Variants in THBS4 observed in about 807,000 individuals in gnomAD.
THBS4 encodes the protein thrombospondin-4.
THBS4 carries 90 observed loss-of-function variants against 115.7 expected under a neutral mutation model. The ratio of observed to expected loss-of-function variants is 0.78; its 90% CI spans 0.66 to 0.93. The LOEUF is 0.93. Ranked by LOEUF, THBS4 falls within the 40% of genes least tolerant of loss-of-function variation. The probability of loss-of-function intolerance (pLI) is 0.00; values close to 1 mark genes in which losing one functional copy is unlikely to be tolerated. For synonymous variants in THBS4, 460 were observed against 479.3 expected, an observed-to-expected ratio of 0.96 and a Z score of 0.53; for missense variants, 1,087 against 1,232.7, an observed-to-expected ratio of 0.88 and a Z score of 1.77.
intron 10 of THBS4, among the ~76,000 whole-genome samples, chr5:80,069,036 G>A (rs1250866014): frequency 2.0e-5 from 3 of 152,184 alleles, no homozygotes; most frequent in East Asian, 1.9e-4. Flanking sequence ...GGGGATCCTA[G>A]GCACTGAAAA....
chr5:80,042,276 C>T (rs972534363), intron 2 of THBS4, among the ~76,000 whole-genome samples: 2 of 152,234 alleles, frequency 1.3e-5, no homozygotes, highest in African/African-American at 4.8e-5. Context: ...AGGAACTGCT[C>T]ATCTTCTGAC....
intron 10 of THBS4, chr5:80,068,792 C>G (rs1833931447): frequency 6.5e-6 from 1 of 153,076 alleles, no homozygotes; most frequent in Non-Finnish European, 1.5e-5. Flanking sequence ...GAGAGTAGAG[C>G]AGTCACAGCA....
At position 80,065,415 on chromosome 5, in the gene THBS4, A is replaced by C. The variant is rs1230309029; in HGVS notation, c.1132A>C (p.Thr378Pro). 1.2e-6 allele frequency: 2 copies of C among 1,613,032 alleles called. No individual in the cohort carries two copies. Among genetic ancestry groups the C allele is most frequent in the Non-Finnish European group, 1.7e-6 (2 of 1,179,682 alleles). ...TTGAACTTTTCTGCACTAGGTCTGCACTGACATTGATGAGTGTCGAAATGG... is the reference window on the plus strand; with the variant it reads ...TTGAACTTTTCTGCACTAGGTCTGCCCTGACATTGATGAGTGTCGAAATGG... The part of the protein sequence containing the change: ...SFAKSNKQVC[T>P]DIDECRNGAC... The change falls in exon 9 of 22, where the codon ACT becomes CCT. Residue 378 changes from threonine (T) to proline (P), a missense_variant. Physicochemically the swap from Thr to Pro is conservative, Grantham distance 38 (BLOSUM62 -1). This residue lies in a region of THBS4 where 979 missense variants were observed against 1,103.7 expected (regional missense o/e 0.89). Transcript: ENST00000350881.
At chr5:80,045,626 G>A (rs1320691920) in intron 2 of THBS4, among the ~76,000 whole-genome samples, 1 of 151,674 alleles carries the variant, frequency 6.6e-6, no homozygotes, top group Non-Finnish European at 1.5e-5. Context: ...CGCCTCCCGG[G>A]TTCAAGTGAT....
intron 12 of THBS4, 83 bp from the exon 13 acceptor site, chr5:80,070,938 C>T: frequency 6.3e-7 from 1 of 1,591,902 alleles, no homozygotes; most frequent in Non-Finnish European, 8.5e-7. Flanking sequence ...AAACTTGGGC[C>T]ACCAGAGTGC....
At chr5:80,072,241 C>T (rs775281402) in intron 13 of THBS4, 37 bp from the exon 14 acceptor site, 1 of 1,562,250 alleles carries the variant, frequency 6.4e-7, no homozygotes, top group Non-Finnish European at 8.8e-7. Context: ...AAGTCAGTGA[C>T]ATTCCCCTGA....
rs750208869 is a variant in THBS4 at position 80,058,708 on chromosome 5, G to A, written c.650G>A (p.Gly217Glu). 4 of 1,614,088 alleles carry A rather than the reference G, an allele frequency of 2.5e-6. No homozygotes were observed. Among genetic ancestry groups the A allele is most frequent in the Non-Finnish European group, 3.4e-6 (4 of 1,180,004 alleles). The change falls in exon 5 of 22, where the codon GGG (glycine) becomes GAG (glutamate). Residue 217 changes from glycine to glutamate, a missense_variant and splice_region_variant. Around this residue, in one of 3 missense-constraint regions of THBS4, gnomAD observed 979 missense variants for 1,103.7 expected, o/e 0.89. Coordinates refer to ENST00000350881, the MANE Select transcript of THBS4 (RefSeq NM_003248.6). ...TCTTTGCCTTTTGCTGTTCCTACAG[G>A]GGACTTTAACCGGCAGTTCTTGGGT... ...QSEPLAATGT[G>E]DFNRQFLGQM...
chr5:80,004,372 TC>T (rs1005139701), intron 2 of THBS4, among the ~76,000 whole-genome samples: 20 of 152,330 alleles, frequency 1.3e-4, no homozygotes, highest in African/African-American at 4.6e-4. Context: ...AGGTAGGTGC[TC>T]CCATCTGTTG....
intron 2 of THBS4, among the ~76,000 whole-genome samples, chr5:79,999,118 T>C (rs1831851551): frequency 6.6e-6 from 1 of 152,170 alleles, no homozygotes; most frequent in African/African-American, 2.4e-5. Flanking sequence ...AAGATACATT[T>C]CAAAGTTTTC....
chr5:80,079,397 C>A, intron 19 of THBS4, 139 bp downstream of exon 19: 1 of 933,122 alleles, frequency 1.1e-6, no homozygotes, highest in Non-Finnish European at 1.5e-6. Flanking sequence ...TCAGGGAAGA[C>A]TACAGTTGAC....
Position 80,065,429 on chromosome 5 carries a change from G to A in THBS4, c.1146G>A (p.Glu382=), listed in dbSNP as rs775459981. The change falls in exon 9 of 22, where the codon GAG becomes GAA. Residue 382 remains glutamate, a synonymous_variant. Transcript: ENST00000350881. ...ACTAGGTCTGCACTGACATTGATGAGTGTCGAAATGGAGCGTGCGTTCCCA... is the reference window on the plus strand; with the variant it reads ...ACTAGGTCTGCACTGACATTGATGAATGTCGAAATGGAGCGTGCGTTCCCA... ...SNKQVCTDID[E]CRNGACVPNS... The A allele has an allele frequency of 1.9e-6, 3 of 1,613,608 alleles. No individual in the cohort carries two copies. Among genetic ancestry groups the A allele is most frequent in the Non-Finnish European group, 2.5e-6 (3 of 1,179,844 alleles).
rs553153475 is a variant in THBS4 at position 80,072,949 on chromosome 5, C to T, written c.1840-326C>T. ...AAGCAAAGCAAAATCAACCTGCCTTCTCCCCATGCCTATGGCTGGCTCCCT... is the reference window on the plus strand; with the variant it reads ...AAGCAAAGCAAAATCAACCTGCCTTTTCCCCATGCCTATGGCTGGCTCCCT... On this transcript the variant is annotated intron_variant, in intron 14 of 21. Coordinates refer to ENST00000350881, the MANE Select transcript of THBS4 (RefSeq NM_003248.6). Among the ~76,000 whole-genome samples, 17 of 152,330 alleles carry T rather than the reference C, an allele frequency of 1.1e-4. No individual in the cohort carries two copies. In the South Asian group the frequency reaches 3.5e-3, roughly 32 times the overall value.
intron 2 of THBS4, among the ~76,000 whole-genome samples, chr5:79,998,670 C>T (rs563172861): frequency 2.6e-5 from 4 of 152,160 alleles, no homozygotes; most frequent in Non-Finnish European, 4.4e-5. Context: ...GGAAACATCC[C>T]TGTACATTTA....
At position 80,053,264 on chromosome 5, in the gene THBS4, G is replaced by C. The variant is rs1033073919; in HGVS notation, c.293-2521G>C. 2.0e-5 allele frequency: 3 copies of C among 151,694 alleles called. No individual in the cohort carries two copies. In the South Asian group the frequency reaches 6.2e-4, roughly 32 times the overall value. 9.4% of individuals were successfully genotyped at this position (151,694 alleles called of 1,614,324 possible). A position where few individuals can be genotyped will look rare whatever the true frequency, so the allele number is the denominator to read the frequency against. ...TGTCTTTTTGTGTTTTTAATATTCA[G>C]CTATTCCATAGTATTCCATTTTATA... On this transcript the variant is annotated intron_variant, in intron 2 of 21. Transcript: ENST00000350881.
chr5:80,001,169 T>G (rs1318027931), intron 2 of THBS4, among the ~76,000 whole-genome samples: 1 of 152,220 alleles, frequency 6.6e-6, no homozygotes, highest in Admixed American at 6.5e-5. Context: ...CCGTTGAACA[T>G]ATTTTTCTCC....
At chr5:80,048,624 C>T (rs1268552577) in intron 2 of THBS4, among the ~76,000 whole-genome samples, 1 of 121,476 alleles carries the variant, frequency 8.2e-6, no homozygotes, top group Admixed American at 8.6e-5. Context: ...TTTCCTTTCA[C>T]TAGATAGATG....
At chr5:80,002,536 A>G (rs778337663) in intron 2 of THBS4, among the ~76,000 whole-genome samples, 4 of 151,918 alleles carry the variant, frequency 2.6e-5, no homozygotes, top group African/African-American at 4.8e-5. Context: ...CTCTATCCTA[A>G]TGTGAACGAT....
At chr5:80,055,708 T>TA in intron 2 of THBS4, 77 bp from the exon 3 acceptor site, 6 of 1,554,624 alleles carry the variant, frequency 3.9e-6, no homozygotes, top group Non-Finnish European at 5.2e-6. Context: ...ACAGGACACT[T>TA]ATCACACCAT....
At position 79,998,789 on chromosome 5, in the gene THBS4, A is replaced by G. The variant is rs530103567; in HGVS notation, n.177+362A>G. 2.2e-4 allele frequency among the ~76,000 whole-genome samples: 34 copies of G among 152,354 alleles called. No homozygotes were observed. In the South Asian group the frequency reaches 6.8e-3, roughly 31 times the overall value. ...CAAAAAATGGGCACATGAAATATCC[A>G]GAGCATTCAACCAGATGGCAGCTAA... On this transcript the variant is annotated intron_variant and non_coding_transcript_variant, in intron 2 of 3. Coordinates refer to the THBS4 transcript ENST00000510218.
Sources: allele counts gnomAD v4.1 joint callset (sites outside exome capture counted in the v4.1 genomes callset), GRCh38; gene constraint gnomAD v4.1.1; regional missense constraint gnomAD v4.1.1; transcripts MANE v1.5; gene names NCBI Gene and HGNC (gene_info 2026-07-23, HGNC 2026-07-21).